Variants in CPNE8 observed in about 807,000 individuals in gnomAD.
The protein encoded by CPNE8 is copine 8.
CPNE8 carries 45 observed loss-of-function variants against 81.5 expected under a neutral mutation model. The observed-to-expected ratio is 0.55, with a 90% confidence interval of 0.44 to 0.71. The LOEUF is 0.71. Among genes scored for constraint, CPNE8 ranks in the 30% least tolerant of loss-of-function variants. The pLI, the probability that CPNE8 is intolerant of heterozygous loss-of-function variation, is 0.00. For synonymous variants in CPNE8, 252 were observed against 226.3 expected, an observed-to-expected ratio of 1.11 and a Z score of -1.02; for missense variants, 594 against 672.1, an observed-to-expected ratio of 0.88 and a Z score of 1.28.
chr12:38,772,648 C>G (rs554048343), intron 7 of CPNE8, among the ~76,000 whole-genome samples: 3 of 152,114 alleles, frequency 2.0e-5, no homozygotes, highest in Non-Finnish European at 4.4e-5. Context: ...GAAAAGGAAA[C>G]CCTTGTACAC....
At chr12:38,678,086 G>C (rs1187326237) in intron 16 of CPNE8, among the ~76,000 whole-genome samples, 1 of 151,930 alleles carries the variant, frequency 6.6e-6, no homozygotes, top group Non-Finnish European at 1.5e-5. Flanking sequence ...GGTAATGGTT[G>C]CAACATTACA....
chr12:38,675,974 G>C (rs1939279857), intron 17 of CPNE8, among the ~76,000 whole-genome samples, 200 bp from the exon 18 acceptor site: 1 of 151,834 alleles, frequency 6.6e-6, no homozygotes, highest in Admixed American at 6.6e-5. Context: ...TAATTAGCCA[G>C]GTGTGGTGGT....
intron 1 of CPNE8, among the ~76,000 whole-genome samples, chr12:38,886,382 T>C (rs1304722282): frequency 6.6e-6 from 1 of 152,174 alleles, no homozygotes; most frequent in Non-Finnish European, 1.5e-5. Context: ...ACCCAGCATA[T>C]AGTAAATATT....
intron 6 of CPNE8, among the ~76,000 whole-genome samples, chr12:38,795,891 A>AGATAGATAGATAGATAGATAGAT: frequency 6.6e-6 from 1 of 152,168 alleles, no homozygotes; most frequent in Admixed American, 6.6e-5. Context: ...ATAGATAGAT[A>AGATAGATAGATAGATAGATAGAT]GATAGATAGA....
At chr12:38,901,255 G>T (rs1377885207) in intron 1 of CPNE8, among the ~76,000 whole-genome samples, 1 of 152,072 alleles carries the variant, frequency 6.6e-6, no homozygotes, top group Non-Finnish European at 1.5e-5. Flanking sequence ...CACCATTATA[G>T]GATTATTTCT....
chr12:38,902,669 G>T (rs1163027487), intron 1 of CPNE8, among the ~76,000 whole-genome samples: 3 of 152,054 alleles, frequency 2.0e-5, no homozygotes, highest in Admixed American at 6.5e-5. Context: ...AGAAGATAGA[G>T]AAAGCGGGAA....
chr12:38,657,052 G>T (rs1938836907), intron 19 of CPNE8, among the ~76,000 whole-genome samples: 1 of 152,190 alleles, frequency 6.6e-6, no homozygotes, highest in Non-Finnish European at 1.5e-5. Flanking sequence ...CCCACAGAGG[G>T]TGAGCTGAAG....
intron 8 of CPNE8, among the ~76,000 whole-genome samples, chr12:38,764,840 T>C (rs76040652): frequency 0.072 from 10,968 of 151,658 alleles, 727 homozygotes; most frequent in East Asian, 0.42. Flanking sequence ...GCTAAATAGA[T>C]GATATCTAGA....
chr12:38,656,517 TA>T, intron 19 of CPNE8, among the ~76,000 whole-genome samples: 2 of 152,274 alleles, frequency 1.3e-5, no homozygotes, highest in East Asian at 3.9e-4. Context: ...TTATGGACAT[TA>T]AACTCATTTA....
intron 8 of CPNE8, among the ~76,000 whole-genome samples, chr12:38,763,769 T>G (rs1941619972): frequency 6.6e-6 from 1 of 152,316 alleles, no homozygotes; most frequent in African/African-American, 2.4e-5. Context: ...TACATAAAAC[T>G]TCATCAAGAC....
intron 19 of CPNE8, among the ~76,000 whole-genome samples, chr12:38,669,388 G>A (rs182527028): frequency 2.0e-5 from 3 of 151,882 alleles, no homozygotes; most frequent in East Asian, 3.9e-4. Context: ...ATTATTTGTT[G>A]TTCTTTTGTC....
chr12:38,828,561 G>T (rs1400102284), intron 6 of CPNE8, among the ~76,000 whole-genome samples: 3 of 152,106 alleles, frequency 2.0e-5, no homozygotes, highest in Non-Finnish European at 2.9e-5. Context: ...AAGTATTTAT[G>T]TCAGAAATAA....
intron 18 of CPNE8, among the ~76,000 whole-genome samples, chr12:38,674,945 A>G (rs562597926): frequency 3.9e-5 from 6 of 152,246 alleles, no homozygotes; most frequent in Non-Finnish European, 8.8e-5. Flanking sequence ...CATTGTTAAT[A>G]TAAAACACCT....
intron 15 of CPNE8, among the ~76,000 whole-genome samples, chr12:38,692,257 C>G (rs1461810734): frequency 1.3e-5 from 2 of 151,916 alleles, no homozygotes; most frequent in African/African-American, 2.4e-5. Context: ...CTACTGCACT[C>G]CAGCCTGGGC....
Position 38,693,731 on chromosome 12 carries a change from C to G in CPNE8, c.1069G>C (p.Asp357His), listed in dbSNP as rs1481031948. 6.2e-7 allele frequency: 1 copy of G among 1,613,642 alleles called. No homozygotes were observed. The highest frequency in any genetic ancestry group is 1.3e-5 in the African/African-American group (1 of 75,020). The change falls in exon 15 of 20, where the codon GAT (aspartate) becomes CAT (histidine). Residue 357 changes from aspartate to histidine, a missense_variant. Transcript: ENST00000331366. Reference sequence around the variant, plus strand: ...AATCCTAGAGCTGGAAACATTTTATCACTGTCATAATCTTGAACAATTTCT... The same window carrying G: ...AATCCTAGAGCTGGAAACATTTTATGACTGTCATAATCTTGAACAATTTCT... ...VGEIVQDYDS[D>H]KMFPALGFGA...
At chr12:38,738,742 G>A (rs1421810447) in intron 10 of CPNE8, among the ~76,000 whole-genome samples, 1 of 151,470 alleles carries the variant, frequency 6.6e-6, no homozygotes. Context: ...CGGTATTTAT[G>A]AAGTTCTCTT....
intron 7 of CPNE8, among the ~76,000 whole-genome samples, chr12:38,772,372 ACTC>A (rs1941820895): frequency 6.6e-6 from 1 of 152,146 alleles, no homozygotes; most frequent in Admixed American, 6.5e-5. Flanking sequence ...TATATAAGGA[ACTC>A]CTACAAATCT....
intron 6 of CPNE8, among the ~76,000 whole-genome samples, chr12:38,828,727 G>A (rs1038697386): frequency 6.6e-6 from 1 of 152,116 alleles, no homozygotes; most frequent in Non-Finnish European, 1.5e-5. Context: ...TTTATGAACA[G>A]TTAAGTCAAT....
intron 8 of CPNE8, among the ~76,000 whole-genome samples, chr12:38,764,627 AAAAAAAAAAAAAG>A (rs1941645667): frequency 6.6e-6 from 1 of 150,790 alleles, no homozygotes; most frequent in African/African-American, 2.4e-5. Flanking sequence ...AAAAAAAAAA[AAAAAAAAAAAAAG>A]AAAAAGTCAT....
Sources: allele counts gnomAD v4.1 joint callset (sites outside exome capture counted in the v4.1 genomes callset), GRCh38; gene constraint gnomAD v4.1.1; transcripts MANE v1.5; gene names NCBI Gene and HGNC (gene_info 2026-07-23, HGNC 2026-07-21).